The following TIAM2 variants were observed in gnomAD, a reference collection of about 807,000 sequenced individuals.
TIAM2 encodes TIAM Rac1 associated GEF 2.
TIAM2 carries 80 observed loss-of-function variants against 152.9 expected under a neutral mutation model. The observed-to-expected ratio is 0.52, with a 90% CI of 0.44 to 0.63. TIAM2 has a LOEUF of 0.63. Ranked by LOEUF, TIAM2 falls within the 30% of genes least tolerant of loss-of-function variation. The pLI is 0.00. For synonymous variants in TIAM2, 804 were observed against 838.0 expected, an observed-to-expected ratio of 0.96 and a Z score of 0.70; for missense variants, 1,965 against 2,120.1, an observed-to-expected ratio of 0.93 and a Z score of 1.44.
At chr6:155,224,664 C>T (rs1379133051) in intron 15 of TIAM2, among the ~76,000 whole-genome samples, 1 of 152,204 alleles carries the variant, frequency 6.6e-6, no homozygotes, top group Non-Finnish European at 1.5e-5. Flanking sequence ...CCTTCCACAC[C>T]CCGACTGTGT....
At chr6:155,005,641 TG>T (rs1778387393) in intron 1 of TIAM2, among the ~76,000 whole-genome samples, 1 of 150,756 alleles carries the variant, frequency 6.6e-6, no homozygotes, top group Admixed American at 6.6e-5. Context: ...CACCTGGCAC[TG>T]TGAGAATTCT....
intron 24 of TIAM2, 72 bp downstream of exon 24, chr6:155,253,125 A>C: frequency 1.5e-6 from 2 of 1,312,070 alleles, no homozygotes; most frequent in Middle Eastern, 1.8e-4. Context: ...TAAATTAAGA[A>C]AGGACCTTGG....
chr6:155,013,727 C>G (rs1778526707), intron 1 of TIAM2: 1 of 152,126 alleles, frequency 6.6e-6, no homozygotes, highest in South Asian at 2.1e-4. Flanking sequence ...TGCATCCCAC[C>G]ATTAGCAGGG....
chr6:155,222,339 G>A (rs1237181619), intron 15 of TIAM2, among the ~76,000 whole-genome samples: 4 of 146,592 alleles, frequency 2.7e-5, no homozygotes, highest in Non-Finnish European at 4.5e-5. Context: ...CGTGGCTCAC[G>A]CCTGTAGTCC....
intron 7 of TIAM2, among the ~76,000 whole-genome samples, chr6:155,158,188 T>C (rs970683640): frequency 6.6e-6 from 1 of 152,174 alleles, no homozygotes; most frequent in Non-Finnish European, 1.5e-5. Context: ...AAAATATTTT[T>C]CTAGGACTGC....
chr6:155,206,658 TA>T (rs1781604085), intron 14 of TIAM2, among the ~76,000 whole-genome samples: 1 of 152,076 alleles, frequency 6.6e-6, no homozygotes, highest in Non-Finnish European at 1.5e-5. Flanking sequence ...GTAAATAAAT[TA>T]AATGACACAT....
At chr6:155,207,855 AG>A (rs1442643747) in intron 14 of TIAM2, among the ~76,000 whole-genome samples, 1 of 152,212 alleles carries the variant, frequency 6.6e-6, no homozygotes, top group Non-Finnish European at 1.5e-5. Context: ...CTCTTTTATA[AG>A]AAGCGAACAG....
chr6:155,029,470 ACTATAG>A (rs1776760389), intron 1 of TIAM2, among the ~76,000 whole-genome samples: 2 of 48,252 alleles, frequency 4.1e-5, no homozygotes, highest in East Asian at 4.2e-4. Context: ...TATAATATAT[ACTATAG>A]TATATATACT....
chr6:155,014,255 A>C (rs530690923), intron 1 of TIAM2, among the ~76,000 whole-genome samples: 3 of 152,128 alleles, frequency 2.0e-5, no homozygotes, highest in Non-Finnish European at 4.4e-5. Flanking sequence ...GCTAGTGTTT[A>C]TACTATTTGA....
At position 155,129,678 on chromosome 6, in the gene TIAM2, C is replaced by T. The variant is rs771254981; in HGVS notation, c.455C>T (p.Pro152Leu). ...AATGAGAGCATTGCCTCCACCCCACCGGGCGAAGACCGCAAGAGCCCCCGA... is the reference window on the plus strand; with the variant it reads ...AATGAGAGCATTGCCTCCACCCCACTGGGCGAAGACCGCAAGAGCCCCCGA... ...GRNESIASTP[P>L]GEDRKSPRVL... The change falls in exon 4 of 27, where the codon CCG becomes CTG. Residue 152 changes from proline (P) to leucine (L), a missense_variant. By Grantham distance (98) the Pro-to-Leu change is moderately conservative. Coordinates refer to ENST00000682666, the MANE Select transcript of TIAM2 (RefSeq NM_012454.4). This position sits in a 1 kb window ranked among gnomAD's most constrained non-coding sequence, Gnocchi z 4.8. 1.3e-5 allele frequency: 21 copies of T among 1,613,996 alleles called. No individual in the cohort carries two copies. Among genetic ancestry groups the T allele is most frequent in the African/African-American group, 2.7e-5 (2 of 74,934 alleles).
chr6:155,187,453 C>A (rs1356085830), intron 14 of TIAM2, among the ~76,000 whole-genome samples: 1 of 151,970 alleles, frequency 6.6e-6, no homozygotes, highest in African/African-American at 2.4e-5. Flanking sequence ...TCTCAAACTT[C>A]CTAGTGCCCA....
In TIAM2 at chr6:155,193,608, CAGTT is replaced by C. The variant is rs1056705899; in HGVS notation, c.3064+10113_3064+10116del. ...AAAAATTGTGGTTCTTGAAAAAAGA[CAGTT>C]AGTTCCGCTCCCAACACAGTTGTAC... On this transcript the variant is annotated intron_variant, in intron 14 of 26. Coordinates refer to ENST00000682666, the MANE Select transcript of TIAM2 (RefSeq NM_012454.4). Among the ~76,000 whole-genome samples the C allele has an allele frequency of 1.2e-4, 18 of 152,174 alleles. No individual in the cohort carries two copies. The South Asian group carries it at 1.7e-3, about 14-fold the overall frequency.
chr6:155,240,515 C>G lies in TIAM2; in HGVS notation c.3169-15C>G. ...GAGGCCCGTGCATTATTTTCCACCTCTTGTCCTCTCTCAGAGTGCTGAGCA... is the reference window on the plus strand; with the variant it reads ...GAGGCCCGTGCATTATTTTCCACCTGTTGTCCTCTCTCAGAGTGCTGAGCA... On this transcript the variant is annotated splice_polypyrimidine_tract_variant and intron_variant, in intron 15 of 26. Transcript: ENST00000682666. 6.3e-7 allele frequency: 1 copy of G among 1,594,102 alleles called. No individual in the cohort carries two copies. The highest frequency in any genetic ancestry group is 2.2e-5 in the East Asian group (1 of 44,472).
At chr6:155,142,520 T>G (rs1160082749) in intron 5 of TIAM2, among the ~76,000 whole-genome samples, 1 of 152,238 alleles carries the variant, frequency 6.6e-6, no homozygotes, top group Non-Finnish European at 1.5e-5. Context: ...TGGACGTGTG[T>G]GCAGCTGGAG....
In TIAM2 at chr6:155,179,382, A is replaced by G. The variant is rs959952417; in HGVS notation, c.2633A>G (p.Tyr878Cys). ...TGTTGTTTTCACCTTTTGCAGGTTT[A>G]TGATGAAATAGAAGTCTTTCCACTA... ...APYEYMQQQV[Y>C]DEIEVFPLNV... Residue 878 changes from tyrosine to cysteine, a missense_variant, in exon 12 of 27, where the codon TAT (tyrosine) becomes TGT (cysteine). By Grantham distance (194) the Tyr-to-Cys change is radical. This residue lies in a region of TIAM2 where 1,025 missense variants were observed against 1,119.4 expected (regional missense o/e 0.92). Transcript: ENST00000682666. The G allele has an allele frequency of 1.2e-6, 2 of 1,613,746 alleles. No individual in the cohort carries two copies. Among genetic ancestry groups the G allele is most frequent in the South Asian group, 1.1e-5 (1 of 90,808 alleles).
intron 1 of TIAM2, among the ~76,000 whole-genome samples, chr6:155,023,542 T>A (rs1323128260): frequency 6.6e-6 from 1 of 152,170 alleles, no homozygotes; most frequent in Admixed American, 6.5e-5. Context: ...TTTGCAGCCC[T>A]GACAGGTTGG....
chr6:155,246,428 C>T (rs1294378064), intron 19 of TIAM2, among the ~76,000 whole-genome samples: 1 of 152,194 alleles, frequency 6.6e-6, no homozygotes, highest in Non-Finnish European at 1.5e-5. Flanking sequence ...TTGCTTTAGA[C>T]AGTTGCTGAA....
rs1783597281 is a variant in TIAM2 at position 155,250,598 on chromosome 6, G to A, written c.3952-315G>A. ...AGATCCCAGGGGAAAGCTTACAAAA[G>A]GCACTCTGGAAGAACCACGGACACT... On this transcript the variant is annotated intron_variant, in intron 21 of 26. Coordinates refer to ENST00000682666, the MANE Select transcript of TIAM2 (RefSeq NM_012454.4). 3 of 1,535,996 alleles carry A rather than the reference G, an allele frequency of 2.0e-6. No individual in the cohort carries two copies. In the Middle Eastern group the frequency reaches 5.0e-4, roughly 257 times the overall value.
At chr6:155,057,180 C>A (rs1382230019) in intron 1 of TIAM2, among the ~76,000 whole-genome samples, 1 of 151,524 alleles carries the variant, frequency 6.6e-6, no homozygotes, top group Non-Finnish European at 1.5e-5. Context: ...AGGTGCATGC[C>A]ACCACACCCA....
Sources: gnomAD v4.1 joint callset for allele counts (sites outside exome capture counted in the v4.1 genomes callset) on GRCh38, gnomAD v4.1.1 for gene constraint, gnomAD v4.1.1 regional missense constraint, Gnocchi (gnomAD v3.1) non-coding constraint, MANE v1.5 for transcripts, NCBI Gene and HGNC (gene_info 2026-07-23, HGNC 2026-07-21) for gene names.